The following DLD variants were observed in gnomAD, a reference collection of about 807,000 sequenced individuals.
DLD encodes dihydrolipoamide dehydrogenase, also known as dihydrolipoyl dehydrogenase, mitochondrial.
Under a neutral mutation model 62.2 loss-of-function variants are expected in DLD, and 36 were observed. That is an observed-to-expected ratio of 0.58 (90% CI 0.44 to 0.76). The LOEUF is 0.76. DLD is among the 30% of genes least tolerant of loss of function. DLD has a pLI of 0.00. For missense variants in DLD, 541 were observed against 608.6 expected, an observed-to-expected ratio of 0.89 and a Z score of 1.17; for synonymous variants, 204 against 199.6, an observed-to-expected ratio of 1.02 and a Z score of -0.19.
chr7:107,917,932 G>A lies in DLD; in HGVS notation c.1245G>A (p.Glu415=). ...SEEQLKEEGI[E]YKVGKFPFAA... Reference sequence around the variant, plus strand: ...TTTTCTGACTGTCACAGGGTATTGAGTACAAAGTTGGGAAATTCCCATTTG... The same window carrying A: ...TTTTCTGACTGTCACAGGGTATTGAATACAAAGTTGGGAAATTCCCATTTG... The change falls in exon 12 of 14, where the codon GAG becomes GAA. Residue 415 remains glutamate, a synonymous_variant. Coordinates refer to ENST00000205402, the MANE Select transcript of DLD (RefSeq NM_000108.5). The A allele has an allele frequency of 2.5e-6, 4 of 1,614,016 alleles. No individual in the cohort carries two copies. The highest frequency in any genetic ancestry group is 3.4e-6 in the Non-Finnish European group (4 of 1,179,934).
intron 8 of DLD, among the ~76,000 whole-genome samples, chr7:107,910,350 TG>T (rs1009122989): frequency 6.6e-6 from 1 of 152,262 alleles, no homozygotes; most frequent in African/African-American, 2.4e-5. Context: ...TCAGCAGTTT[TG>T]CTTTAGGTTT....
chr7:107,916,954 A>G lies in DLD; in HGVS notation c.1036A>G (p.Lys346Glu), dbSNP rs952647277. 6.2e-7 allele frequency: 1 copy of G among 1,613,910 alleles called. No homozygotes were observed. The change falls in exon 10 of 14, where the codon AAA becomes GAA. Residue 346 changes from lysine to glutamate, a missense_variant. Physicochemically the swap from Lys to Glu is moderately conservative, Grantham distance 56. Coordinates refer to ENST00000205402, the MANE Select transcript of DLD (RefSeq NM_000108.5). ...TCCAGTCAATACCAGATTTCAAACT[A>G]AAATTCCAAAGTAAGTTGGATAATT... ...RIPVNTRFQT[K>E]IPNIYAIGDV...
intron 2 of DLD, among the ~76,000 whole-genome samples, chr7:107,898,681 C>CCT (rs1239452669): frequency 5.9e-5 from 9 of 151,710 alleles, no homozygotes; most frequent in Non-Finnish European, 1.3e-4. Context: ...AGCTCTGCCT[C>CCT]CTGGGTTCAC....
intron 2 of DLD, among the ~76,000 whole-genome samples, chr7:107,895,861 A>G (rs1043704291): frequency 6.6e-5 from 10 of 152,212 alleles, no homozygotes; most frequent in African/African-American, 2.4e-4. Flanking sequence ...AAATAGGGCT[A>G]TGTCATTTAT....
At chr7:107,897,574 CTTTT>C (rs35546358) in intron 2 of DLD, among the ~76,000 whole-genome samples, 1 of 111,352 alleles carries the variant, frequency 9.0e-6, no homozygotes, top group Non-Finnish European at 1.8e-5. Flanking sequence ...TGTAGACTGA[CTTTT>C]TTTTTTTTTT....
chr7:107,891,937 C>T (rs1263256633), intron 1 of DLD, among the ~76,000 whole-genome samples: 1 of 152,208 alleles, frequency 6.6e-6, no homozygotes, highest in Admixed American at 6.5e-5. Flanking sequence ...GTGTATGTGG[C>T]ACCGTGGCTG....
At chr7:107,898,692 G>A (rs1238461517) in intron 2 of DLD, among the ~76,000 whole-genome samples, 1 of 151,674 alleles carries the variant, frequency 6.6e-6, no homozygotes, top group Non-Finnish European at 1.5e-5. Context: ...CTGGGTTCAC[G>A]CCATTCTCCT....
rs1375253470 is a variant in DLD, at chr7:107,919,237, T to G, written c.1508T>G (p.Phe503Cys). ...AFREANLAAS[F>C]GKSINF ...AGAGAAGCAAATCTTGCTGCGTCAT[T>G]TGGCAAATCAATCAACTTTTGAATT... The change falls in exon 14 of 14, where the codon TTT (phenylalanine) becomes TGT (cysteine). Residue 503 changes from phenylalanine to cysteine, a missense_variant. Phe to Cys is a radical substitution (Grantham distance 205). Coordinates refer to ENST00000205402, the MANE Select transcript of DLD (RefSeq NM_000108.5). 1.2e-6 allele frequency: 2 copies of G among 1,612,512 alleles called. No individual in the cohort carries two copies. Among genetic ancestry groups the G allele is most frequent in the Non-Finnish European group, 1.7e-6 (2 of 1,179,338 alleles).
At chr7:107,903,067 T>G in intron 4 of DLD, among the ~76,000 whole-genome samples, 1 of 152,210 alleles carries the variant, frequency 6.6e-6, no homozygotes, top group Non-Finnish European at 1.5e-5. Flanking sequence ...ACATATTCAT[T>G]ACCACAGTAC....
intron 2 of DLD, among the ~76,000 whole-genome samples, chr7:107,894,571 T>A (rs758095136): frequency 6.6e-6 from 1 of 152,224 alleles, no homozygotes; most frequent in Non-Finnish European, 1.5e-5. Context: ...AATAGGAATC[T>A]CATTCTTCTC....
intron 8 of DLD, among the ~76,000 whole-genome samples, chr7:107,908,895 T>G (rs1007033740): frequency 6.6e-6 from 1 of 152,166 alleles, no homozygotes; most frequent in Non-Finnish European, 1.5e-5. Flanking sequence ...TTAATTCCTA[T>G]TTGAATCTCC....
chr7:107,913,875 A>G (rs1354399913), intron 8 of DLD, among the ~76,000 whole-genome samples: 1 of 151,992 alleles, frequency 6.6e-6, no homozygotes, highest in African/African-American at 2.4e-5. Flanking sequence ...AGTTTGTCTT[A>G]TTATTTTGAG....
At chr7:107,917,558 T>C in intron 11 of DLD, 96 bp downstream of exon 11, 1 of 1,177,684 alleles carries the variant, frequency 8.5e-7, no homozygotes, top group African/African-American at 1.5e-5. Flanking sequence ...GCTAATATAT[T>C]TAACAGCTGT....
At chr7:107,912,731 T>TA (rs1236138479) in intron 8 of DLD, among the ~76,000 whole-genome samples, 2 of 152,120 alleles carry the variant, frequency 1.3e-5, no homozygotes, top group Non-Finnish European at 2.9e-5. Flanking sequence ...AGTTTGCAAA[T>TA]ATTTTCTTCC....
chr7:107,894,913 A>G lies in DLD; in HGVS notation c.118+1635A>G, dbSNP rs139494089. 4.5e-3 allele frequency among the ~76,000 whole-genome samples: 686 copies of G among 152,346 alleles called. 4 individuals carry two copies. Among genetic ancestry groups the G allele is most frequent in the Non-Finnish European group, 6.8e-3 (461 of 68,026 alleles). On this transcript the variant is annotated intron_variant, in intron 2 of 13. Coordinates refer to ENST00000205402, the MANE Select transcript of DLD (RefSeq NM_000108.5). ...TTACTGTCTTTTCCTCAGGAATGCA[A>G]ACTTCATCAGGACAGGGACTGTGTG...
At position 107,904,982 on chromosome 7, in the gene DLD, A is replaced by T; in HGVS notation, c.362A>T (p.Asp121Val). ...IEMSEVRLNL[D>V]KMMEQKSTAV... is the part of the protein sequence containing the mutation. ...GTGTCCGAAGTTCGCTTGAATTTAG[A>T]CAAGATGATGGAGCAGAAGAGTACT... The change falls in exon 6 of 14, where the codon GAC (aspartate) becomes GTC (valine). Residue 121 changes from aspartate to valine, a missense_variant. Physicochemically the swap from Asp to Val is radical, Grantham distance 152 (BLOSUM62 -3). Transcript: ENST00000205402. 6.2e-7 allele frequency: 1 copy of T among 1,613,170 alleles called. No individual in the cohort carries two copies. The highest frequency in any genetic ancestry group is 1.1e-5 in the South Asian group (1 of 91,052).
In DLD at chr7:107,909,575, C is replaced by T. The variant is rs1380925839; in HGVS notation, c.684+3207C>T. Among the ~76,000 whole-genome samples the T allele has an allele frequency of 1.3e-5, 2 of 152,142 alleles. 1 individual carries two copies. The highest frequency in any genetic ancestry group is 1.3e-4 in the Admixed American group (2 of 15,280). On this transcript the variant is annotated intron_variant, in intron 8 of 13. Transcript: ENST00000205402. ...TGCTGATATCAAAATATACTACATT[C>T]ACCAGTCCAGAAACCCTTCAGAAAG...
chr7:107,918,868 CT>C (rs2032335368), intron 12 of DLD, 141 bp from the exon 13 acceptor site: 2 of 748,428 alleles, frequency 2.7e-6, no homozygotes, highest in Middle Eastern at 3.3e-4. Context: ...TTCTATTAAG[CT>C]TTTCCTGACT....
chr7:107,902,135 C>T lies in DLD; in HGVS notation c.199-190C>T, dbSNP rs552841447. ...CACAAAAATATCTTTTAGAATAATT[C>T]ACTTTTGGGTCAGCCCAAAAGTGTT... On this transcript the variant is annotated intron_variant, in intron 3 of 13. Transcript: ENST00000205402. Among the ~76,000 whole-genome samples, 22 of 151,854 alleles carry T rather than the reference C, an allele frequency of 1.4e-4. No homozygotes were observed. The South Asian group carries it at 3.9e-3, about 27-fold the overall frequency.
Sources: allele counts gnomAD v4.1 joint callset (sites outside exome capture counted in the v4.1 genomes callset), GRCh38; gene constraint gnomAD v4.1.1; transcripts MANE v1.5; gene names NCBI Gene and HGNC (gene_info 2026-07-23, HGNC 2026-07-21).